Variants in SMYD3 observed in about 807,000 individuals in gnomAD.
SMYD3 encodes histone-lysine N-methyltransferase SMYD3.
SMYD3 carries 36 observed loss-of-function variants against 57.7 expected under a neutral mutation model. The ratio of observed to expected loss-of-function variants is 0.62; its 90% CI spans 0.48 to 0.82. The LOEUF (loss-of-function observed/expected upper bound fraction) is 0.82. Ranked by LOEUF, SMYD3 falls within the 40% of genes least tolerant of loss-of-function variation. The probability of loss-of-function intolerance (pLI) is 0.00; values close to 1 mark genes in which losing one functional copy is unlikely to be tolerated. For synonymous variants in SMYD3, 211 were observed against 195.0 expected (o/e 1.08, Z -0.68); for missense variants, 515 against 538.8 (o/e 0.96, Z 0.44).
chr1:246,372,142 A>G (rs981166821), intron 1 of SMYD3, among the ~76,000 whole-genome samples: 4 of 152,256 alleles, frequency 2.6e-5, no homozygotes, highest in African/African-American at 9.6e-5. Context: ...CTGCAAGTGC[A>G]CTATAATTAA....
rs12759577 is a variant in SMYD3 at position 246,072,117 on chromosome 1, A to T, written c.532-142180T>A. On this transcript the variant is annotated intron_variant, in intron 5 of 11. Transcript: ENST00000490107. ...TTTCCGCTGTGCTCACTGTGGATGC[A>T]TCGTGTTAGTTCTGGGGAGGGATTC... Among the ~76,000 whole-genome samples the T allele has an allele frequency of 1.7e-4, 7 of 41,076 alleles. 1 individual carries two copies. The highest frequency in any genetic ancestry group is 1.0e-3 in the African/African-American group (4 of 3,966). 26.9% of individuals were successfully genotyped at this position (41,076 alleles called of 152,430 possible). A position where few individuals can be genotyped will look rare whatever the true frequency, so the allele number is the denominator to read the frequency against.
chr1:246,475,347 A>G (rs1187879308), intron 1 of SMYD3, among the ~76,000 whole-genome samples: 1 of 148,820 alleles, frequency 6.7e-6, no homozygotes, highest in Non-Finnish European at 1.5e-5. Context: ...AAAAAAAAAA[A>G]GTTTGTACTT....
At chr1:246,331,590 G>A (rs2065462931) in intron 3 of SMYD3, among the ~76,000 whole-genome samples, 1 of 152,058 alleles carries the variant, frequency 6.6e-6, no homozygotes, top group Non-Finnish European at 1.5e-5. Flanking sequence ...TTTTGTCTAA[G>A]ACACTCCCTG....
chr1:246,294,557 A>G (rs1428274675), intron 5 of SMYD3, among the ~76,000 whole-genome samples: 2 of 152,112 alleles, frequency 1.3e-5, no homozygotes, highest in African/African-American at 4.8e-5. Context: ...ACTCTTTCTG[A>G]GTCCATGTAT....
intron 5 of SMYD3, among the ~76,000 whole-genome samples, chr1:246,204,852 T>A (rs923306050): frequency 6.6e-6 from 1 of 152,236 alleles, no homozygotes; most frequent in South Asian, 2.1e-4. Flanking sequence ...ATTTCACTCA[T>A]AAGCAAACTC....
chr1:246,038,434 A>G (rs1272439376), intron 5 of SMYD3, among the ~76,000 whole-genome samples: 6 of 152,128 alleles, frequency 3.9e-5, no homozygotes, highest in Non-Finnish European at 8.8e-5. Context: ...AAACGAACAA[A>G]TGAAAACTTT....
In SMYD3 at chr1:246,227,956, CTTTTTTT is replaced by C. The variant is rs202246263; in HGVS notation, c.531+99238_531+99244del. 2.2e-3 allele frequency among the ~76,000 whole-genome samples: 254 copies of C among 115,570 alleles called. No homozygotes were observed. In the South Asian group the frequency reaches 0.024, roughly 11 times the overall value. The allele number at this position is 115,570 out of a possible 152,430, so 75.8% of individuals were successfully genotyped here. A position where few individuals can be genotyped will look rare whatever the true frequency, so the allele number is the denominator to read the frequency against. On this transcript the variant is annotated intron_variant, in intron 5 of 11. Transcript: ENST00000490107. ...ACACCACATTTCCTTATTTTTATTCCTTTTTTTTTTTTTTTTTTTTTTGGAGACAAAG... is the reference window on the plus strand; with the variant it reads ...ACACCACATTTCCTTATTTTTATTCCTTTTTTTTTTTTTTTGGAGACAAAG...
chr1:245,833,888 G>A (rs1002506396), intron 10 of SMYD3, among the ~76,000 whole-genome samples: 40 of 152,204 alleles, frequency 2.6e-4, no homozygotes, highest in African/African-American at 9.4e-4. Context: ...CATTTAACTT[G>A]CTCTATGCCC....
intron 8 of SMYD3, among the ~76,000 whole-genome samples, chr1:245,889,167 C>G (rs986408914): frequency 6.6e-6 from 1 of 152,116 alleles, no homozygotes; most frequent in Non-Finnish European, 1.5e-5. Context: ...GTTTTAAAGG[C>G]TTTGAGCATG....
chr1:246,448,005 T>C (rs1288501417), intron 1 of SMYD3, among the ~76,000 whole-genome samples: 1 of 152,220 alleles, frequency 6.6e-6, no homozygotes, highest in Non-Finnish European at 1.5e-5. Flanking sequence ...ATAAGTTGCA[T>C]ACATTTTAAC....
intron 5 of SMYD3, among the ~76,000 whole-genome samples, chr1:246,195,746 T>G (rs2062821881): frequency 6.6e-6 from 1 of 152,216 alleles, no homozygotes; most frequent in Admixed American, 6.5e-5. Flanking sequence ...TGCAGGTCAC[T>G]GTAATACAAC....
chr1:246,128,846 A>G (rs1330342954), intron 5 of SMYD3, among the ~76,000 whole-genome samples: 2 of 152,080 alleles, frequency 1.3e-5, no homozygotes, highest in African/African-American at 4.8e-5. Context: ...TCTGTTGCCC[A>G]GGCTGGAGTG....
intron 10 of SMYD3, among the ~76,000 whole-genome samples, chr1:245,804,672 T>C (rs1189145619): frequency 6.6e-6 from 1 of 152,230 alleles, no homozygotes; most frequent in Admixed American, 6.5e-5. Context: ...ATTAGTACCT[T>C]ATAAAAGAGC....
At chr1:246,167,182 A>G (rs771553015) in intron 5 of SMYD3, among the ~76,000 whole-genome samples, 11 of 152,356 alleles carry the variant, frequency 7.2e-5, no homozygotes, top group Non-Finnish European at 1.0e-4. Context: ...TATTCATTCA[A>G]CTAACAACGA....
At chr1:246,014,945 T>G (rs2059351581) in intron 5 of SMYD3, among the ~76,000 whole-genome samples, 1 of 152,152 alleles carries the variant, frequency 6.6e-6, no homozygotes, top group African/African-American at 2.4e-5. Context: ...TCCCTGCGTC[T>G]TCAGTAACTG....
At chr1:246,490,001 CTTTTTT>C (rs71968916) in intron 1 of SMYD3, among the ~76,000 whole-genome samples, 1 of 92,310 alleles carries the variant, frequency 1.1e-5, no homozygotes, top group African/African-American at 4.0e-5. Context: ...TAATTTTTTC[CTTTTTT>C]TTTTTTTTTT....
intron 2 of SMYD3, among the ~76,000 whole-genome samples, chr1:246,353,415 A>C (rs1179024336): frequency 6.6e-6 from 1 of 152,146 alleles, no homozygotes; most frequent in Non-Finnish European, 1.5e-5. Flanking sequence ...CTGTAGTCCC[A>C]GTGGCTCAGG....
chr1:246,397,383 G>A (rs1328654850), intron 1 of SMYD3, among the ~76,000 whole-genome samples: 2 of 152,012 alleles, frequency 1.3e-5, no homozygotes, highest in African/African-American at 2.4e-5. Flanking sequence ...AAAAAGGTTG[G>A]GACTGCTGGT....
rs530913978 is a variant in SMYD3 at position 246,170,914 on chromosome 1, C to T, written c.531+156287G>A. Among the ~76,000 whole-genome samples the T allele has an allele frequency of 2.2e-4, 33 of 152,202 alleles. No individual in the cohort carries two copies. The East Asian group carries it at 5.2e-3, about 24-fold the overall frequency. On this transcript the variant is annotated intron_variant, in intron 5 of 11. Coordinates refer to ENST00000490107, the MANE Select transcript of SMYD3 (RefSeq NM_001167740.2). ...CGCTAAATACTGTATTTTGCAAAAC[C>T]TTTCAGTTTTTTTATATGCAAAATT...
Sources: gnomAD v4.1 joint callset for allele counts (sites outside exome capture counted in the v4.1 genomes callset) on GRCh38, gnomAD v4.1.1 for gene constraint, MANE v1.5 for transcripts, NCBI Gene and HGNC (gene_info 2026-07-23, HGNC 2026-07-21) for gene names.